CSE1L: variants seen among roughly 807,000 people sequenced by gnomAD.
The protein encoded by CSE1L is chromosome segregation 1 like, also known as exportin-2.
Under a neutral mutation model 120.4 loss-of-function variants are expected in CSE1L, and 24 were observed. That is an observed-to-expected ratio of 0.20 (90% CI 0.14 to 0.28). CSE1L has a LOEUF of 0.28. Ranked by LOEUF, CSE1L falls within the 10% of genes least tolerant of loss-of-function variation. The pLI is 1.00. For synonymous variants in CSE1L, 402 were observed against 398.3 expected (o/e 1.01, Z -0.11); for missense variants, 830 against 1,145.2 (o/e 0.72, Z 3.97).
chr20:49,092,228 G>A (rs766320971), intron 22 of CSE1L, 101 bp downstream of exon 22: 26 of 639,450 alleles, frequency 4.1e-5, no homozygotes, highest in Non-Finnish European at 5.9e-5. Flanking sequence ...GTGGTTCTTG[G>A]TATGGAGATA....
chr20:49,067,102 G>T, intron 5 of CSE1L, 88 bp from the exon 6 acceptor site: 7 of 501,850 alleles, frequency 1.4e-5, no homozygotes, highest in Non-Finnish European at 1.8e-5. Flanking sequence ...TCTATTCATA[G>T]ATGTCCAATC....
chr20:49,050,112 CT>C (rs1308531719), intron 1 of CSE1L, among the ~76,000 whole-genome samples: 6 of 151,944 alleles, frequency 3.9e-5, no homozygotes, highest in Admixed American at 3.3e-4. Flanking sequence ...TAACCCCTCA[CT>C]TTTTTTTAAA....
intron 12 of CSE1L, among the ~76,000 whole-genome samples, chr20:49,076,520 CTTTTTTTTTTTTTT>C (rs35713931): frequency 3.8e-5 from 3 of 79,596 alleles, no homozygotes; most frequent in African/African-American, 5.6e-5. Flanking sequence ...CCCTCTCTCT[CTTTTTTTTTTTTTT>C]TTTTTTTTTT....
At chr20:49,051,363 G>A (rs112435589) in intron 1 of CSE1L, among the ~76,000 whole-genome samples, 1,591 of 149,902 alleles carry the variant, frequency 0.011, 18 homozygotes, top group Non-Finnish European at 0.014. Flanking sequence ...TGGCCAACAC[G>A]GTGAAACCGC....
At chr20:49,067,368 CTTAT>C in intron 6 of CSE1L, 88 bp downstream of exon 6, 1 of 838,710 alleles carries the variant, frequency 1.2e-6, no homozygotes. Flanking sequence ...GCTTTGAAAG[CTTAT>C]TTGATAGATA....
intron 3 of CSE1L, among the ~76,000 whole-genome samples, chr20:49,063,665 C>G (rs761912899): frequency 1.3e-4 from 20 of 152,180 alleles, no homozygotes; most frequent in Non-Finnish European, 2.5e-4. Flanking sequence ...CTTCATACCT[C>G]GGGTTGCTAG....
chr20:49,068,363 C>T (rs1428368255), intron 6 of CSE1L, among the ~76,000 whole-genome samples: 4 of 152,028 alleles, frequency 2.6e-5, no homozygotes, highest in Admixed American at 6.6e-5. Flanking sequence ...CCGAGGCGGG[C>T]GGATCACGAG....
intron 14 of CSE1L, among the ~76,000 whole-genome samples, chr20:49,081,779 C>T (rs762027457): frequency 7.9e-5 from 12 of 152,184 alleles, no homozygotes; most frequent in Non-Finnish European, 1.3e-4. Flanking sequence ...TTGCACTCAT[C>T]TTATTTCTTT....
chr20:49,049,640 T>C (rs1283598285), intron 1 of CSE1L, among the ~76,000 whole-genome samples: 1 of 152,226 alleles, frequency 6.6e-6, no homozygotes, highest in Non-Finnish European at 1.5e-5. Context: ...ACCTGTAAAA[T>C]GTTCTCTAAA....
intron 10 of CSE1L, 152 bp downstream of exon 10, chr20:49,072,849 A>T: frequency 3.5e-6 from 3 of 846,298 alleles, no homozygotes; most frequent in Non-Finnish European, 5.1e-6. Flanking sequence ...AGTATCTGTA[A>T]TGAGTTTTGT....
At chr20:49,072,260 G>A (rs1177224879) in intron 8 of CSE1L, 26 bp from the exon 9 acceptor site, 4 of 1,609,918 alleles carry the variant, frequency 2.5e-6, no homozygotes, top group East Asian at 4.5e-5. Flanking sequence ...GTTGTATGTT[G>A]GAGTTTTTGT....
chr20:49,056,847 CTGTGTGTGTGTGTGTGTGTGTGTG>C (rs3223230), intron 1 of CSE1L, among the ~76,000 whole-genome samples: 33 of 148,978 alleles, frequency 2.2e-4, no homozygotes, highest in African/African-American at 6.7e-4. Flanking sequence ...ACTTCACATG[CTGTGTGTGTGTGTGTGTGTGTGTG>C]TGTGTGTGTG....
intron 1 of CSE1L, among the ~76,000 whole-genome samples, chr20:49,050,929 A>G (rs1224339139): frequency 6.6e-6 from 1 of 152,302 alleles, no homozygotes; most frequent in South Asian, 2.1e-4. Context: ...ACCAACCAAA[A>G]TAAAGATGAA....
At position 49,067,114 on chromosome 20, in the gene CSE1L, G is replaced by A. The variant is rs374374368; in HGVS notation, c.477-76G>A. 2.2e-5 allele frequency: 15 copies of A among 683,712 alleles called. No individual in the cohort carries two copies. The South Asian group carries it at 2.6e-4, about 12-fold the overall frequency. The allele number at this position is 683,712 out of a possible 1,614,324, so 42.4% of individuals were successfully genotyped here. On this transcript the variant is annotated intron_variant, in intron 5 of 24. Transcript: ENST00000262982. ...CCATCTATTCATAGATGTCCAATCA[G>A]CATCTCTCCTTGAAGACCTAAAGTG...
At chr20:49,084,882 G>A (rs1600542593) in intron 15 of CSE1L, among the ~76,000 whole-genome samples, 1 of 152,294 alleles carries the variant, frequency 6.6e-6, no homozygotes, top group East Asian at 1.9e-4. Context: ...CCTTTGAGGT[G>A]AGTCAAGCCA....
At chr20:49,072,171 C>A in intron 8 of CSE1L, 115 bp from the exon 9 acceptor site, 2 of 1,115,752 alleles carry the variant, frequency 1.8e-6, no homozygotes, top group Non-Finnish European at 2.6e-6. Flanking sequence ...TTTACAATAA[C>A]TGATTTGATT....
intron 15 of CSE1L, among the ~76,000 whole-genome samples, chr20:49,084,979 C>T (rs1252068451): frequency 2.0e-5 from 3 of 151,990 alleles, no homozygotes; most frequent in Admixed American, 6.6e-5. Context: ...GACAGAGTCC[C>T]CTGAGATTCT....
intron 14 of CSE1L, among the ~76,000 whole-genome samples, chr20:49,082,676 GC>G (rs966491013): frequency 3.9e-5 from 6 of 151,920 alleles, no homozygotes; most frequent in African/African-American, 1.5e-4. Context: ...CCGCCACCAT[GC>G]CCGGCTAATT....
chr20:49,084,266 G>T, intron 15 of CSE1L, 104 bp downstream of exon 15: 1 of 1,180,950 alleles, frequency 8.5e-7, no homozygotes, highest in South Asian at 1.7e-5. Context: ...GAAAACAAAT[G>T]TCTGCTTTCT....
Sources: allele counts gnomAD v4.1 joint callset (sites outside exome capture counted in the v4.1 genomes callset), GRCh38; gene constraint gnomAD v4.1.1; transcripts MANE v1.5; gene names NCBI Gene and HGNC (gene_info 2026-07-23, HGNC 2026-07-21).